The following HEPH variants were observed in gnomAD, a reference collection of about 807,000 sequenced individuals.
HEPH encodes hephaestin.
HEPH carries 69 observed loss-of-function variants against 80.8 expected under a neutral mutation model. The observed-to-expected ratio is 0.85, with a 90% CI of 0.70 to 1.04. HEPH has a LOEUF of 1.04. Ranked by LOEUF, HEPH falls within the 50% of genes least tolerant of loss-of-function variation. The probability of loss-of-function intolerance (pLI) is 0.00; values close to 1 mark genes in which losing one functional copy is unlikely to be tolerated. For missense variants in HEPH, 1,115 were observed against 891.3 expected (o/e 1.25, Z -3.20); for synonymous variants, 431 against 322.8 (o/e 1.34, Z -3.60).
intron 4 of HEPH, among the ~76,000 whole-genome samples, chrX:66,179,094 C>T (rs933697100): frequency 8.9e-6 from 1 of 111,953 alleles, no homozygotes; most frequent in Non-Finnish European, 1.9e-5. Flanking sequence ...ACATTTAAGT[C>T]TTTAATTCAT....
chrX:66,224,951 C>A (rs1355761102), intron 15 of HEPH, among the ~76,000 whole-genome samples: 1 of 109,385 alleles, frequency 9.1e-6, no homozygotes, highest in Non-Finnish European at 1.9e-5. Context: ...CTCTGCTGAT[C>A]TTTCCTTACC....
chrX:66,179,449 G>T (rs2086985637), intron 4 of HEPH, among the ~76,000 whole-genome samples: 2 of 111,656 alleles, frequency 1.8e-5, no homozygotes, highest in Non-Finnish European at 3.8e-5. Context: ...GGTTCCTTAT[G>T]AACTTTATAG....
intron 15 of HEPH, among the ~76,000 whole-genome samples, chrX:66,253,953 T>G (rs1383707325): frequency 9.1e-6 from 1 of 110,213 alleles, no homozygotes; most frequent in African/African-American, 3.3e-5. Context: ...AATGGATGGG[T>G]GGATTAGGGG....
In HEPH at chrX:66,200,565, C is replaced by A. The variant is rs141822439; in HGVS notation, c.1890C>A (p.Asn630Lys). ...CCATTAATGGGTTTCTGTTCTCTAA[C>A]CTGCCCAGGCTGGACATGTGCAAGG... The part of the protein sequence containing the change: ...MHAINGFLFS[N>K]LPRLDMCKGD... Residue 630 changes from asparagine to lysine, a missense_variant, in exon 12 of 21, where the codon AAC (asparagine) becomes AAA (lysine). Asn to Lys is a moderately conservative substitution (Grantham distance 94). Coordinates refer to ENST00000343002, the MANE Select transcript of HEPH (RefSeq NM_001367233.3). 2 of 1,206,002 alleles carry A rather than the reference C, an allele frequency of 1.7e-6. No individual in the cohort carries two copies. The highest frequency in any genetic ancestry group is 3.6e-5 in the South Asian group (2 of 55,906).
chrX:66,266,249 T>C (rs1319413841), intron 20 of HEPH, among the ~76,000 whole-genome samples, 191 bp from the exon 21 acceptor site: 1 of 111,255 alleles, frequency 9.0e-6, no homozygotes, highest in Non-Finnish European at 1.9e-5. Flanking sequence ...AGGACCCTTA[T>C]AGCTGTTACA....
chrX:66,205,819 G>A (rs749629798), intron 13 of HEPH, among the ~76,000 whole-genome samples: 122 of 110,441 alleles, frequency 1.1e-3, no homozygotes, highest in Non-Finnish European at 2.0e-3. Flanking sequence ...TCAGTTTTTG[G>A]AAATTTTAAA....
chrX:66,170,508 C>T, intron 1 of HEPH, 50 bp from the exon 2 acceptor site: 1 of 1,106,392 alleles, frequency 9.0e-7, no homozygotes, highest in East Asian at 3.0e-5. Flanking sequence ...TAGAAAGCCC[C>T]TTTGTTCTCT....
At chrX:66,260,332 C>G (rs765459110) in intron 19 of HEPH, 70 bp downstream of exon 19, 31 of 886,526 alleles carry the variant, frequency 3.5e-5, no homozygotes, top group Non-Finnish European at 4.6e-5. Flanking sequence ...CAGGTAATAC[C>G]AAAAAGCCTC....
intron 2 of HEPH, chrX:66,171,181 A>G: frequency 3.2e-6 from 1 of 310,929 alleles, no homozygotes. Context: ...AATTAATGGT[A>G]ATAATTCTCA....
At chrX:66,232,909 G>T (rs1462593047) in intron 15 of HEPH, among the ~76,000 whole-genome samples, 1 of 109,677 alleles carries the variant, frequency 9.1e-6, no homozygotes, top group Non-Finnish European at 1.9e-5. Flanking sequence ...TGTGTGATTG[G>T]ACTTAATGGG....
chrX:66,231,035 TC>T (rs1459595792), intron 15 of HEPH, among the ~76,000 whole-genome samples: 3 of 108,748 alleles, frequency 2.8e-5, no homozygotes, highest in Non-Finnish European at 5.7e-5. Flanking sequence ...AAATAGGGAA[TC>T]CTTTCCCCAT....
intron 15 of HEPH, among the ~76,000 whole-genome samples, chrX:66,224,676 G>A (rs988433886): frequency 2.2e-4 from 25 of 112,104 alleles, no homozygotes; most frequent in African/African-American, 7.5e-4. Context: ...GTGCTTTCTG[G>A]ATATGCCCTT....
chrX:66,202,982 A>G lies in HEPH; in HGVS notation c.2078-382A>G, dbSNP rs188048513. ...ATAATATATTTTTATATATGTATATATATATGATTTATATATAATAAATGA... is the reference window on the plus strand; with the variant it reads ...ATAATATATTTTTATATATGTATATGTATATGATTTATATATAATAAATGA... On this transcript the variant is annotated intron_variant, in intron 12 of 20. Transcript: ENST00000343002. Among the ~76,000 whole-genome samples the G allele has an allele frequency of 5.4e-3, 565 of 104,540 alleles. 6 individuals are homozygous for G. The highest frequency in any genetic ancestry group is 0.018 in the African/African-American group (512 of 28,690). The allele number at this position is 104,540 out of a possible 115,157, so 90.8% of individuals were successfully genotyped here.
At chrX:66,225,450 A>G (rs2089837927) in intron 15 of HEPH, among the ~76,000 whole-genome samples, 1 of 112,090 alleles carries the variant, frequency 8.9e-6, no homozygotes, top group East Asian at 2.8e-4. Flanking sequence ...AACTAAAACC[A>G]AAGTATCAAG....
chrX:66,179,790 T>C (rs1337835789), intron 4 of HEPH, among the ~76,000 whole-genome samples: 1 of 111,596 alleles, frequency 9.0e-6, no homozygotes, highest in Non-Finnish European at 1.9e-5. Context: ...TGTTTAGGAT[T>C]GTAATATTTT....
At chrX:66,253,634 G>A (rs957263332) in intron 15 of HEPH, among the ~76,000 whole-genome samples, 151 of 111,508 alleles carry the variant, frequency 1.4e-3, no homozygotes, top group Non-Finnish European at 2.4e-3. Flanking sequence ...ATAAAAACTT[G>A]TACACAAATG....
At chrX:66,204,640 A>G (rs2088661513) in intron 13 of HEPH, among the ~76,000 whole-genome samples, 1 of 111,923 alleles carries the variant, frequency 8.9e-6, no homozygotes, top group African/African-American at 3.2e-5. Context: ...TGCTAAAAGG[A>G]AAATATGTTA....
At chrX:66,239,774 T>C (rs2148073241) in intron 15 of HEPH, among the ~76,000 whole-genome samples, 1 of 112,140 alleles carries the variant, frequency 8.9e-6, no homozygotes, top group South Asian at 3.7e-4. Flanking sequence ...TCTCTCATAA[T>C]GTAGTGTTTT....
chrX:66,178,389 A>G (rs749597532), intron 4 of HEPH, among the ~76,000 whole-genome samples: 1 of 111,978 alleles, frequency 8.9e-6, no homozygotes, highest in Non-Finnish European at 1.9e-5. Flanking sequence ...ATTGTGAATA[A>G]TGCCGCAATA....
Sources: gnomAD v4.1 joint callset for allele counts (sites outside exome capture counted in the v4.1 genomes callset) on GRCh38, gnomAD v4.1.1 for gene constraint, MANE v1.5 for transcripts, NCBI Gene and HGNC (gene_info 2026-07-23, HGNC 2026-07-21) for gene names.